MAPRE3: variants seen among roughly 807,000 people sequenced by gnomAD.
MAPRE3 encodes microtubule associated protein RP/EB family member 3.
Under a neutral mutation model 30.5 loss-of-function variants are expected in MAPRE3, and 2 were observed. The observed-to-expected ratio is 0.07, with a 90% confidence interval of 0.03 to 0.21. The LOEUF is 0.21. Ranked by LOEUF, MAPRE3 falls within the 10% of genes least tolerant of loss-of-function variation. The pLI, the probability that MAPRE3 is intolerant of heterozygous loss-of-function variation, is 1.00. For missense variants in MAPRE3, 204 were observed against 351.8 expected, an observed-to-expected ratio of 0.58 and a Z score of 3.36; for synonymous variants, 110 against 127.7, an observed-to-expected ratio of 0.86 and a Z score of 0.93.
chr2:26,983,292 G>A (rs1477997412), intron 1 of MAPRE3, among the ~76,000 whole-genome samples: 1 of 152,190 alleles, frequency 6.6e-6, no homozygotes, highest in Non-Finnish European at 1.5e-5. Flanking sequence ...TGGGTTCCAA[G>A]CTTAGGCTCC....
chr2:27,006,699 A>G (rs1047856844), intron 1 of MAPRE3, among the ~76,000 whole-genome samples: 10 of 152,032 alleles, frequency 6.6e-5, no homozygotes, highest in Admixed American at 1.3e-4. Context: ...CTCCCAAACC[A>G]CTGAGATTAT....
At chr2:27,026,245 T>G (rs1398594288) in intron 6 of MAPRE3, 35 bp from the exon 7 acceptor site, 1 of 1,590,698 alleles carries the variant, frequency 6.3e-7, no homozygotes, top group Admixed American at 1.7e-5. Context: ...CTGGCCTGCC[T>G]GGCCCACCAC....
chr2:27,024,072 C>A, intron 3 of MAPRE3, 24 bp from the exon 4 acceptor site: 2 of 1,586,950 alleles, frequency 1.3e-6, no homozygotes, highest in Non-Finnish European at 1.7e-6. Context: ...GGCTAAAGTA[C>A]TCTGCTTATG....
Position 27,009,234 on chromosome 2 carries a change from T to C in MAPRE3, c.-7-12978T>C, listed in dbSNP as rs549621346. Reference sequence around the variant, plus strand: ...AATCCAAATAAGGTCTGTAGTTTACTTACAAATGTGCCAATGTGGATTTCC... The same window carrying C: ...AATCCAAATAAGGTCTGTAGTTTACCTACAAATGTGCCAATGTGGATTTCC... On this transcript the variant is annotated intron_variant, in intron 1 of 6. Coordinates refer to ENST00000233121, the MANE Select transcript of MAPRE3 (RefSeq NM_012326.4). Among the ~76,000 whole-genome samples the C allele has an allele frequency of 1.8e-4, 27 of 152,354 alleles. 1 individual carries two copies. Among genetic ancestry groups the C allele is most frequent in the African/African-American group, 6.3e-4 (26 of 41,582 alleles).
rs1323021325 is a variant in MAPRE3 at position 27,025,734 on chromosome 2, A to G, written c.621A>G (p.Gln207=). The change falls in exon 5 of 7, where the codon CAA becomes CAG. Residue 207 remains glutamine (Q), a synonymous_variant. Coordinates refer to ENST00000233121, the MANE Select transcript of MAPRE3 (RefSeq NM_012326.4). The stretch of plus-strand genomic sequence containing the variant: ...ATGCCCAAATTCTTGAACTCAACCA[A>G]CAGGTGAGTGGGATGGGTAAGGGTA... ...ETDAQILELN[Q]QLVDLKLTVD... is the part of the protein sequence containing the mutation. 6.2e-7 allele frequency: 1 copy of G among 1,614,044 alleles called. No homozygotes were observed. Among genetic ancestry groups the G allele is most frequent in the Non-Finnish European group, 8.5e-7 (1 of 1,180,004 alleles).
rs1401250016 is a variant in MAPRE3, at chr2:27,024,207, C to G, written c.379C>G (p.Leu127Val). The G allele has an allele frequency of 6.2e-7, 1 of 1,614,250 alleles. No homozygotes were observed. The highest frequency in any genetic ancestry group is 8.5e-7 in the Non-Finnish European group (1 of 1,180,034). ...ANYDGKDYNP[L>V]LARQGQDVAP... The stretch of plus-strand genomic sequence containing the variant: ...CTATGATGGAAAGGATTACAACCCT[C>G]TGCTGGCGCGGCAGGGCCAGGACGT... Residue 127 changes from leucine to valine, a missense_variant, in exon 4 of 7, where the codon CTG (leucine) becomes GTG (valine). Around this residue, in one of 5 missense-constraint regions of MAPRE3, gnomAD observed 101 missense variants for 205.4 expected, o/e 0.49. Transcript: ENST00000233121.
chr2:26,987,530 C>A (rs1012475778), intron 1 of MAPRE3, among the ~76,000 whole-genome samples: 19 of 151,924 alleles, frequency 1.3e-4, no homozygotes, highest in African/African-American at 4.4e-4. Flanking sequence ...CCCAGCTACT[C>A]GGGAGGCTGA....
chr2:26,997,643 C>T (rs1461977390), intron 1 of MAPRE3, among the ~76,000 whole-genome samples: 1 of 152,114 alleles, frequency 6.6e-6, no homozygotes, highest in Non-Finnish European at 1.5e-5. Flanking sequence ...TCCACGGACC[C>T]GTACTAGTCC....
At chr2:27,023,179 G>A (rs750734636) in intron 2 of MAPRE3, among the ~76,000 whole-genome samples, 153 bp from the exon 3 acceptor site, 4 of 152,174 alleles carry the variant, frequency 2.6e-5, no homozygotes, top group Non-Finnish European at 4.4e-5. Flanking sequence ...TTGGAAAGCT[G>A]GGGGGATTCT....
At chr2:26,995,760 C>T (rs1666438099) in intron 1 of MAPRE3, among the ~76,000 whole-genome samples, 1 of 130,348 alleles carries the variant, frequency 7.7e-6, no homozygotes, top group African/African-American at 2.9e-5. Context: ...TTTCAAATAC[C>T]TGAGGGTCTT....
intron 6 of MAPRE3, 31 bp from the exon 7 acceptor site, chr2:27,026,249 C>G: frequency 1.3e-6 from 2 of 1,596,124 alleles, no homozygotes; most frequent in Non-Finnish European, 1.7e-6. Context: ...CCTGCCTGGC[C>G]CACCACTTTC....
chr2:27,016,287 C>T (rs912584216), intron 1 of MAPRE3, among the ~76,000 whole-genome samples: 2 of 152,072 alleles, frequency 1.3e-5, no homozygotes, highest in African/African-American at 4.8e-5. Flanking sequence ...ACAGAGCCTG[C>T]CCCCTCCGAG....
intron 1 of MAPRE3, among the ~76,000 whole-genome samples, chr2:26,990,317 G>A (rs1666312171): frequency 6.6e-6 from 1 of 152,122 alleles, no homozygotes; most frequent in Non-Finnish European, 1.5e-5. Flanking sequence ...CCCGCTCCCT[G>A]AGCCGCTTTC....
intron 1 of MAPRE3, among the ~76,000 whole-genome samples, chr2:27,020,208 G>A (rs2148226671): frequency 6.6e-6 from 1 of 152,340 alleles, no homozygotes; most frequent in East Asian, 1.9e-4. Context: ...AGATAAGGCT[G>A]AAGAGGTGGG....
chr2:27,004,206 T>C (rs1010221094), intron 1 of MAPRE3, among the ~76,000 whole-genome samples: 14 of 152,186 alleles, frequency 9.2e-5, no homozygotes, highest in African/African-American at 3.4e-4. Context: ...AGTTGGGTGC[T>C]GTGGAGTCCT....
chr2:27,024,635 TC>T (rs1417141047), intron 4 of MAPRE3, among the ~76,000 whole-genome samples: 1 of 152,178 alleles, frequency 6.6e-6, no homozygotes, highest in African/African-American at 2.4e-5. Flanking sequence ...TCCAGGTGCA[TC>T]CAGACCAAGA....
intron 1 of MAPRE3, among the ~76,000 whole-genome samples, chr2:26,971,296 C>T (rs566175423): frequency 1.3e-5 from 2 of 152,336 alleles, no homozygotes; most frequent in South Asian, 2.1e-4. Flanking sequence ...CTGGGGGCCT[C>T]GGGTTTCTTC....
At chr2:27,007,598 AG>A (rs1301701447) in intron 1 of MAPRE3, among the ~76,000 whole-genome samples, 2 of 152,222 alleles carry the variant, frequency 1.3e-5, no homozygotes. Context: ...ACACAGCAAA[AG>A]GTCATCCACA....
At chr2:26,994,228 AT>A (rs1212735645) in intron 1 of MAPRE3, among the ~76,000 whole-genome samples, 1 of 152,196 alleles carries the variant, frequency 6.6e-6, no homozygotes, top group Non-Finnish European at 1.5e-5. Flanking sequence ...ACTGACTTAC[AT>A]TTATTTGCTT....
Sources: gnomAD v4.1 joint callset for allele counts (sites outside exome capture counted in the v4.1 genomes callset) on GRCh38, gnomAD v4.1.1 for gene constraint, gnomAD v4.1.1 regional missense constraint, MANE v1.5 for transcripts, NCBI Gene and HGNC (gene_info 2026-07-23, HGNC 2026-07-21) for gene names.